The following INO80D variants were observed in gnomAD, a reference collection of about 807,000 sequenced individuals.
The protein encoded by INO80D is INO80 complex subunit D.
In INO80D, 21 loss-of-function variants were observed where a neutral mutation model predicts 87.6. The ratio of observed to expected loss-of-function variants is 0.24; its 90% CI spans 0.17 to 0.35. The LOEUF is 0.35. Among genes scored for constraint, INO80D ranks in the 10% least tolerant of loss-of-function variants. The pLI is 1.00. For missense variants in INO80D, 982 were observed against 1,280.7 expected, an observed-to-expected ratio of 0.77 and a Z score of 3.56; for synonymous variants, 440 against 491.0, an observed-to-expected ratio of 0.90 and a Z score of 1.37.
Position 206,028,152 on chromosome 2 carries a change from C to A in INO80D, c.1257G>T (p.Gln419His), listed in dbSNP as rs1688665952. 1 of 1,568,170 alleles carries A rather than the reference C, an allele frequency of 6.4e-7. No homozygotes were observed. ...CAGCTCTCCGCAGTTCTTGTATTAA[C>A]TGACCAGTGCATTCTGGTTCTTTAC... ...AASKEPECTG[Q>H]LIQELRRAAC... Residue 419 changes from glutamine (Q) to histidine (H), a missense_variant, in exon 6 of 11, where the codon CAG becomes CAT. Transcript: ENST00000403263.
In INO80D at chr2:206,005,258, C is replaced by T; in HGVS notation, c.2194G>A (p.Asp732Asn). ...GTAGCAGAACGGAGCAGGTTCTCAT[C>T]CAGCTCTAGACTAGAAAAATTATCA... The part of the protein sequence containing the change: ...VHDNFSSLEL[D>N]ENLLRSATLS... The change falls in exon 11 of 11, where the codon GAT (aspartate) becomes AAT (asparagine). Residue 732 changes from aspartate to asparagine, a missense_variant. Asp to Asn is a conservative substitution (Grantham distance 23, BLOSUM62 1). Coordinates refer to ENST00000403263, the MANE Select transcript of INO80D (RefSeq NM_017759.5). 1 of 1,614,026 alleles carries T rather than the reference C, an allele frequency of 6.2e-7. No homozygotes were observed. Among genetic ancestry groups the T allele is most frequent in the South Asian group, 1.1e-5 (1 of 91,088 alleles).
intron 4 of INO80D, among the ~76,000 whole-genome samples, chr2:206,048,926 T>C (rs2105869425): frequency 6.6e-6 from 1 of 152,264 alleles, no homozygotes; most frequent in East Asian, 1.9e-4. Context: ...AAGTTTTATA[T>C]CTTGAAGAGG....
At position 205,996,301 on chromosome 2, in the gene INO80D, G is replaced by A. The variant is rs1687805678; in HGVS notation, c.*8067C>T. Reference sequence around the variant, plus strand: ...CTGGCTAGAAGAGACAGAATTAAGGGGGAAAAAAACCACAATGATGTGTGA... The same window carrying A: ...CTGGCTAGAAGAGACAGAATTAAGGAGGAAAAAAACCACAATGATGTGTGA... On this transcript the variant is annotated 3_prime_UTR_variant, in exon 11 of 11. Transcript: ENST00000403263. The A allele has an allele frequency of 6.8e-6, 1 of 147,718 alleles. No homozygotes were observed. Among genetic ancestry groups the A allele is most frequent in the African/African-American group, 2.5e-5 (1 of 40,588 alleles). 9.2% of individuals were successfully genotyped at this position (147,718 alleles called of 1,614,324 possible).
Position 206,001,959 on chromosome 2 carries a change from T to C in INO80D, c.*2409A>G, listed in dbSNP as rs1687913688. On this transcript the variant is annotated 3_prime_UTR_variant, in exon 11 of 11. Coordinates refer to ENST00000403263, the MANE Select transcript of INO80D (RefSeq NM_017759.5). Reference sequence around the variant, plus strand: ...ACATAAAACAGAAAATTGCAAACAATAAAATGTGCAACTTACTGCAAACTC... The same window carrying C: ...ACATAAAACAGAAAATTGCAAACAACAAAATGTGCAACTTACTGCAAACTC... The C allele has an allele frequency of 6.6e-6, 1 of 152,096 alleles. No individual in the cohort carries two copies. The highest frequency in any genetic ancestry group is 1.5e-5 in the Non-Finnish European group (1 of 68,008). The allele number at this position is 152,096 out of a possible 1,614,324, so 9.4% of individuals were successfully genotyped here. A position where few individuals can be genotyped will look rare whatever the true frequency, so the allele number is the denominator to read the frequency against.
intron 5 of INO80D, among the ~76,000 whole-genome samples, chr2:206,043,468 C>A (rs1689108594): frequency 6.6e-6 from 1 of 151,636 alleles, no homozygotes. Flanking sequence ...CCGTGCTCAG[C>A]CAGGTAGGGC....
rs910218149 is a variant in INO80D, at chr2:205,994,383, C to T, written c.*9985G>A. 2 of 152,188 alleles carry T rather than the reference C, an allele frequency of 1.3e-5. No individual in the cohort carries two copies. The highest frequency in any genetic ancestry group is 2.9e-5 in the Non-Finnish European group (2 of 68,042). 9.4% of individuals were successfully genotyped at this position (152,188 alleles called of 1,614,324 possible). A position where few individuals can be genotyped will look rare whatever the true frequency, so the allele number is the denominator to read the frequency against. On this transcript the variant is annotated 3_prime_UTR_variant, in exon 11 of 11. Coordinates refer to ENST00000403263, the MANE Select transcript of INO80D (RefSeq NM_017759.5). ...TTTGAGAACCGCTAGTCCTTGCTAC[C>T]GTGCAGTTTCTTTGTTAGAAGAGAT... is the stretch of plus-strand genomic sequence containing the variant.
intron 7 of INO80D, 68 bp from the exon 8 acceptor site, chr2:206,017,881 G>A: frequency 1.4e-6 from 2 of 1,440,110 alleles, no homozygotes; most frequent in Non-Finnish European, 9.4e-7. Context: ...TATAAAATTT[G>A]CTTGTTCCCT....
At position 206,031,423 on chromosome 2, in the gene INO80D, G is replaced by A. The variant is rs112749581; in HGVS notation, c.1074-3088C>T. Among the ~76,000 whole-genome samples the A allele has an allele frequency of 6.5e-3, 988 of 151,928 alleles. 12 individuals are homozygous for A. Among genetic ancestry groups the A allele is most frequent in the Non-Finnish European group, 0.011 (771 of 67,948 alleles). Reference sequence around the variant, plus strand: ...ATAGAAAAAGGAAATGGAGAGGAAAGGCAGATCTTAAAGGGAAGGTAAAGC... The same window carrying A: ...ATAGAAAAAGGAAATGGAGAGGAAAAGCAGATCTTAAAGGGAAGGTAAAGC... On this transcript the variant is annotated intron_variant, in intron 5 of 10. Transcript: ENST00000403263.
At chr2:206,074,351 C>T (rs535496349) in intron 1 of INO80D, among the ~76,000 whole-genome samples, 18 of 152,258 alleles carry the variant, frequency 1.2e-4, no homozygotes, top group Non-Finnish European at 2.1e-4. Flanking sequence ...CGGAGGGTCA[C>T]GCCTGTAATC....
rs59790218 is a variant in INO80D at position 206,058,418 on chromosome 2, CAAAAAAAAAAA to C, written c.219-1486_219-1476del. Among the ~76,000 whole-genome samples, 365 of 125,232 alleles carry C rather than the reference CAAAAAAAAAAA, an allele frequency of 2.9e-3. 1 individual carries two copies. The highest frequency in any genetic ancestry group is 8.7e-3 in the African/African-American group (250 of 28,854). 82.2% of individuals were successfully genotyped at this position (125,232 alleles called of 152,430 possible). A position where few individuals can be genotyped will look rare whatever the true frequency, so the allele number is the denominator to read the frequency against. ...CAGGTGAGAGTGCCAGACTCTGTCT[CAAAAAAAAAAA>C]AAAAAAAAAAAAACCTATAAAAGGG... On this transcript the variant is annotated intron_variant, in intron 3 of 10. Transcript: ENST00000403263.
rs1037989486 is a variant in INO80D at position 205,996,869 on chromosome 2, C to T, written c.*7499G>A. 2 of 151,986 alleles carry T rather than the reference C, an allele frequency of 1.3e-5. No homozygotes were observed. The highest frequency in any genetic ancestry group is 4.8e-5 in the African/African-American group (2 of 41,412). 9.4% of individuals were successfully genotyped at this position (151,986 alleles called of 1,614,324 possible). A position where few individuals can be genotyped will look rare whatever the true frequency, so the allele number is the denominator to read the frequency against. On this transcript the variant is annotated 3_prime_UTR_variant, in exon 11 of 11. Coordinates refer to ENST00000403263, the MANE Select transcript of INO80D (RefSeq NM_017759.5). ...AAGGGAGAAATGGCACCAGTACAAA[C>T]TCCCTTCTTTCATTTGCATGCATAT...
chr2:206,036,417 T>C (rs1007421714), intron 5 of INO80D, among the ~76,000 whole-genome samples: 1 of 152,118 alleles, frequency 6.6e-6, no homozygotes, highest in Non-Finnish European at 1.5e-5. Flanking sequence ...AAGGAATGAA[T>C]TAATGGCATT....
chr2:206,083,174 G>A (rs969972678), intron 1 of INO80D, among the ~76,000 whole-genome samples: 2 of 152,174 alleles, frequency 1.3e-5, no homozygotes, highest in African/African-American at 4.8e-5. Context: ...CCCATTAGGC[G>A]ATCAGGTTAG....
intron 1 of INO80D, among the ~76,000 whole-genome samples, chr2:206,078,560 C>CTGA (rs1690186541): frequency 6.6e-6 from 1 of 152,170 alleles, no homozygotes; most frequent in South Asian, 2.1e-4. Flanking sequence ...CTATGGCAGG[C>CTGA]TGAGGCAGAA....
chr2:206,075,175 T>C (rs529153739), intron 1 of INO80D, among the ~76,000 whole-genome samples: 4 of 152,222 alleles, frequency 2.6e-5, no homozygotes, highest in East Asian at 1.9e-4. Flanking sequence ...GTAAGGAAGA[T>C]ACACTTTTAA....
At chr2:206,015,891 A>C (rs1688305348) in intron 8 of INO80D, among the ~76,000 whole-genome samples, 1 of 152,140 alleles carries the variant, frequency 6.6e-6, no homozygotes, top group Admixed American at 6.6e-5. Context: ...TGTCTCCAAA[A>C]AAAAAAAATG....
chr2:206,011,034 T>C (rs1007681362), intron 8 of INO80D, among the ~76,000 whole-genome samples: 3 of 146,836 alleles, frequency 2.0e-5, no homozygotes, highest in African/African-American at 7.6e-5. Flanking sequence ...GCTGAGATTA[T>C]GCCATTGCAC....
At chr2:206,075,324 TCTC>T (rs1182952492) in intron 1 of INO80D, among the ~76,000 whole-genome samples, 3 of 152,336 alleles carry the variant, frequency 2.0e-5, no homozygotes, top group Admixed American at 6.5e-5. Context: ...TTCTTTTGAT[TCTC>T]CTGTTTCAGA....
At chr2:206,077,308 C>T (rs138173860) in intron 1 of INO80D, among the ~76,000 whole-genome samples, 4,828 of 151,526 alleles carry the variant, frequency 0.032, 93 homozygotes, top group Non-Finnish European at 0.047. Flanking sequence ...CCACTGCACT[C>T]CAGCCTGGGC....
Sources: allele counts gnomAD v4.1 joint callset (sites outside exome capture counted in the v4.1 genomes callset), GRCh38; gene constraint gnomAD v4.1.1; transcripts MANE v1.5; gene names NCBI Gene and HGNC (gene_info 2026-07-23, HGNC 2026-07-21).